Variants in NTRK3 observed in about 807,000 individuals in gnomAD.
NTRK3 encodes the protein neurotrophic receptor tyrosine kinase 3.
In NTRK3, 24 loss-of-function variants were observed where a neutral mutation model predicts 91.7. The observed-to-expected ratio is 0.26, with a 90% CI of 0.19 to 0.37. NTRK3 has a LOEUF of 0.37. NTRK3 is among the 10% of genes least tolerant of loss of function. The pLI is 1.00. For synonymous variants in NTRK3, 483 were observed against 404.0 expected, an observed-to-expected ratio of 1.20 and a Z score of -2.34; for missense variants, 880 against 1,068.9, an observed-to-expected ratio of 0.82 and a Z score of 2.46.
At chr15:88,033,216 A>ATATATATATAT (rs1567262261) in intron 13 of NTRK3, among the ~76,000 whole-genome samples, 171 bp from the exon 14 acceptor site, 146 of 121,874 alleles carry the variant, frequency 1.2e-3, no homozygotes, top group African/African-American at 1.7e-3. Context: ...ATATATATAT[A>ATATATATATAT]AATTCAGTTG....
chr15:88,151,164 G>A (rs892559826), intron 5 of NTRK3, among the ~76,000 whole-genome samples: 24 of 152,196 alleles, frequency 1.6e-4, no homozygotes, highest in African/African-American at 4.8e-4. Context: ...AAGATTTTAC[G>A]AGATGATGCA....
intron 13 of NTRK3, among the ~76,000 whole-genome samples, chr15:88,104,422 T>C (rs915230263): frequency 5.3e-5 from 8 of 152,202 alleles, no homozygotes; most frequent in Non-Finnish European, 1.0e-4. Context: ...GTCTTGAAAA[T>C]GTTTGGCCAC....
At chr15:88,152,740 C>T (rs1399565626) in intron 5 of NTRK3, among the ~76,000 whole-genome samples, 2 of 152,226 alleles carry the variant, frequency 1.3e-5, no homozygotes, top group African/African-American at 2.4e-5. Flanking sequence ...CCCTGAAAGC[C>T]TCCAAGTCAT....
At chr15:87,988,269 G>A (rs1019845464) in intron 14 of NTRK3, among the ~76,000 whole-genome samples, 1 of 152,186 alleles carries the variant, frequency 6.6e-6, no homozygotes, top group Non-Finnish European at 1.5e-5. Flanking sequence ...GACCATCAAG[G>A]TAATCAAGGA....
intron 14 of NTRK3, among the ~76,000 whole-genome samples, chr15:87,952,646 AT>A (rs2141126481): frequency 6.6e-6 from 1 of 152,150 alleles, no homozygotes; most frequent in South Asian, 2.1e-4. Context: ...TCCCGGCACC[AT>A]CTCCTTCCGC....
intron 14 of NTRK3, among the ~76,000 whole-genome samples, chr15:87,976,032 C>T (rs962562808): frequency 1.3e-5 from 2 of 152,128 alleles, no homozygotes; most frequent in African/African-American, 4.8e-5. Context: ...TTCTCAGGGG[C>T]CATCTTTATC....
intron 6 of NTRK3, among the ~76,000 whole-genome samples, chr15:88,139,062 C>T (rs943272683): frequency 6.6e-6 from 1 of 152,198 alleles, no homozygotes; most frequent in Admixed American, 6.5e-5. Flanking sequence ...CCATAATTGG[C>T]CATGGGCTGA....
intron 6 of NTRK3, among the ~76,000 whole-genome samples, chr15:88,138,447 T>G (rs2042084268): frequency 1.3e-5 from 2 of 152,152 alleles, no homozygotes; most frequent in Non-Finnish European, 2.9e-5. Context: ...CAGCTCGAGA[T>G]GCTCCTCTTC....
At chr15:88,096,993 AAAG>A (rs958169012) in intron 13 of NTRK3, among the ~76,000 whole-genome samples, 3 of 152,158 alleles carry the variant, frequency 2.0e-5, no homozygotes, top group Non-Finnish European at 4.4e-5. Flanking sequence ...TTTCTAAACA[AAAG>A]AAGAGAGTCT....
intron 1 of NTRK3, 24 bp from the exon 2 acceptor site, chr15:88,256,510 T>C (rs571958204): frequency 2.7e-4 from 124 of 457,306 alleles, no homozygotes; most frequent in African/African-American, 2.7e-3. Context: ...CAACAGACGG[T>C]GGGGAGGCAA....
intron 14 of NTRK3, among the ~76,000 whole-genome samples, chr15:88,023,668 A>G (rs1177886354): frequency 6.6e-6 from 1 of 152,152 alleles, no homozygotes; most frequent in African/African-American, 2.4e-5. Context: ...TGTCACATCT[A>G]GCAGAGCCTG....
At chr15:87,937,342 G>A (rs1317100769) in intron 15 of NTRK3, among the ~76,000 whole-genome samples, 1 of 152,298 alleles carries the variant, frequency 6.6e-6, no homozygotes, top group Admixed American at 6.5e-5. Context: ...TTTTATGGAA[G>A]CTAGGATGAA....
intron 17 of NTRK3, among the ~76,000 whole-genome samples, chr15:87,900,274 CT>C (rs2066372474): frequency 6.6e-6 from 1 of 152,154 alleles, no homozygotes; most frequent in Non-Finnish European, 1.5e-5. Context: ...GGGCCTTTCC[CT>C]GGGAAATGCC....
At chr15:87,947,755 C>T (rs529449194) in intron 14 of NTRK3, among the ~76,000 whole-genome samples, 1 of 152,152 alleles carries the variant, frequency 6.6e-6, no homozygotes, top group South Asian at 2.1e-4. Context: ...GTTTTCTCTG[C>T]ACTAACCAGA....
In NTRK3 at chr15:88,079,823, G is replaced by A. The variant is rs931865450; in HGVS notation, c.1396+46448C>T. On this transcript the variant is annotated intron_variant, in intron 13 of 18. Transcript: ENST00000394480. ...CTTGAAGATGGCGAAAGAAAAGCACGAAGAAAATAAAAATAAAAATCACCC... is the reference window on the plus strand; with the variant it reads ...CTTGAAGATGGCGAAAGAAAAGCACAAAGAAAATAAAAATAAAAATCACCC... 1.8e-4 allele frequency among the ~76,000 whole-genome samples: 27 copies of A among 152,040 alleles called. 1 individual carries two copies. The highest frequency in any genetic ancestry group is 7.9e-4 in the Admixed American group (12 of 15,260).
chr15:87,917,978 C>T (rs2067565813), intron 17 of NTRK3, among the ~76,000 whole-genome samples: 1 of 145,422 alleles, frequency 6.9e-6, no homozygotes, highest in Non-Finnish European at 1.5e-5. Flanking sequence ...CCTGACCCTC[C>T]ATTTCACTGT....
At chr15:88,036,326 T>G (rs2079066703) in intron 13 of NTRK3, among the ~76,000 whole-genome samples, 1 of 151,628 alleles carries the variant, frequency 6.6e-6, no homozygotes, top group African/African-American at 2.4e-5. Context: ...AGAAAGACAA[T>G]GGAATCATTC....
At chr15:88,238,767 G>A (rs771343216) in intron 3 of NTRK3, among the ~76,000 whole-genome samples, 2 of 152,172 alleles carry the variant, frequency 1.3e-5, no homozygotes, top group Non-Finnish European at 1.5e-5. Flanking sequence ...ATCTCACTAT[G>A]CCGTGATTCA....
intron 17 of NTRK3, among the ~76,000 whole-genome samples, chr15:87,919,021 G>C (rs1228679024): frequency 8.5e-5 from 13 of 152,200 alleles, no homozygotes; most frequent in Non-Finnish European, 1.2e-4. Context: ...AAGGAAACTT[G>C]AGTACATCCC....
Sources: gnomAD v4.1 joint callset for allele counts (sites outside exome capture counted in the v4.1 genomes callset) on GRCh38, gnomAD v4.1.1 for gene constraint, MANE v1.5 for transcripts, NCBI Gene and HGNC (gene_info 2026-07-23, HGNC 2026-07-21) for gene names.